Variants in PADI4 observed in about 807,000 individuals in gnomAD.
The protein encoded by PADI4 is protein-arginine deiminase type-4.
PADI4 carries 62 observed loss-of-function variants against 75.0 expected under a neutral mutation model. The observed-to-expected ratio is 0.83, with a 90% CI of 0.67 to 1.02. The LOEUF (loss-of-function observed/expected upper bound fraction) is 1.02, where lower values mean the gene tolerates loss of function less well. PADI4 is among the 50% of genes least tolerant of loss of function. PADI4 has a pLI of 0.00. For synonymous variants in PADI4, 361 were observed against 348.1 expected (o/e 1.04, Z -0.41); for missense variants, 845 against 850.5 (o/e 0.99, Z 0.08).
At chr1:17,352,090 G>T (rs1298296013) in intron 10 of PADI4, among the ~76,000 whole-genome samples, 1 of 135,444 alleles carries the variant, frequency 7.4e-6, no homozygotes, top group Non-Finnish European at 1.6e-5. Flanking sequence ...AGTCAGGGAG[G>T]TGATGGGAGG....
chr1:17,344,611 C>G (rs1557567927), intron 8 of PADI4, among the ~76,000 whole-genome samples: 1 of 152,206 alleles, frequency 6.6e-6, no homozygotes, highest in Admixed American at 6.5e-5. Flanking sequence ...TGCCCTGCAT[C>G]CCAGCTGCTC....
At chr1:17,332,395 C>T (rs528181285) in intron 2 of PADI4, among the ~76,000 whole-genome samples, 61 of 152,190 alleles carry the variant, frequency 4.0e-4, no homozygotes, top group Admixed American at 1.4e-3. Context: ...TACAGGCACT[C>T]GCCACCATGC....
intron 6 of PADI4, among the ~76,000 whole-genome samples, chr1:17,341,454 T>C (rs1350719027): frequency 2.0e-5 from 3 of 152,178 alleles, no homozygotes; most frequent in African/African-American, 7.2e-5. Context: ...GTCAACTTAT[T>C]GCCTCCACCC....
Position 17,331,112 on chromosome 1 carries a change from C to G in PADI4, c.236C>G (p.Thr79Arg), listed in dbSNP as rs35809521. 481 of 1,611,980 alleles carry G rather than the reference C, an allele frequency of 3.0e-4. 5 individuals carry two copies. In the East Asian group the frequency reaches 0.01, roughly 34 times the overall value. ...GACCCTGGGGTAGAGGTGACCCTGA[C>G]GATGAAAGTGGCCAGTGGTAGCACA... Reference protein sequence around the residue: ...PLDPGVEVTLTMKVASGSTGD... With the variant: ...PLDPGVEVTLRMKVASGSTGD... Residue 79 changes from threonine to arginine, a missense_variant, in exon 2 of 16, where the codon ACG (threonine) becomes AGG (arginine). Thr to Arg is a moderately conservative substitution (Grantham distance 71). Coordinates refer to ENST00000375448, the MANE Select transcript of PADI4 (RefSeq NM_012387.3).
intron 1 of PADI4, among the ~76,000 whole-genome samples, chr1:17,311,760 C>A (rs1216582562): frequency 3.3e-5 from 5 of 151,946 alleles, no homozygotes; most frequent in African/African-American, 1.2e-4. Flanking sequence ...CTCCTGACCT[C>A]GTGATCCACC....
intron 13 of PADI4, among the ~76,000 whole-genome samples, chr1:17,358,018 C>T (rs908266333): frequency 1.3e-5 from 2 of 151,436 alleles, no homozygotes; most frequent in Non-Finnish European, 2.9e-5. Context: ...GAGGCTGAGG[C>T]GGGTGGATCA....
At chr1:17,345,281 A>T (rs1423894378) in intron 8 of PADI4, among the ~76,000 whole-genome samples, 1 of 152,192 alleles carries the variant, frequency 6.6e-6, no homozygotes, top group African/African-American at 2.4e-5. Flanking sequence ...TGTATCTAGG[A>T]AGTAACTAGC....
Position 17,359,419 on chromosome 1 carries a change from G to T in PADI4, c.1758+11G>T. On this transcript the variant is annotated intron_variant, in intron 15 of 15. Coordinates refer to ENST00000375448, the MANE Select transcript of PADI4 (RefSeq NM_012387.3). ...TTTTTCCCCAACATGGTGAGGAGGT[G>T]GCGGCTTTAAAACCCCAGGGTGTGG... 1.2e-6 allele frequency: 2 copies of T among 1,613,984 alleles called. No homozygotes were observed. Among genetic ancestry groups the T allele is most frequent in the Non-Finnish European group, 1.7e-6 (2 of 1,179,942 alleles).
rs1459209363 is a variant in PADI4 at position 17,356,469 on chromosome 1, C to T, written c.1558+10C>T. Reference sequence around the variant, plus strand: ...TTCGAAGGGATCAAGAGTAAGTCGGCCCTGCCTTGTTCTCCTGTCTGTGCA... The same window carrying T: ...TTCGAAGGGATCAAGAGTAAGTCGGTCCTGCCTTGTTCTCCTGTCTGTGCA... On this transcript the variant is annotated intron_variant, in intron 13 of 15. Coordinates refer to ENST00000375448, the MANE Select transcript of PADI4 (RefSeq NM_012387.3). This position sits in a 1 kb window ranked among gnomAD's most constrained non-coding sequence, Gnocchi z 4.1. The T allele has an allele frequency of 1.3e-6, 2 of 1,531,538 alleles. No individual in the cohort carries two copies. Among genetic ancestry groups the T allele is most frequent in the Admixed American group, 3.4e-5 (2 of 58,664 alleles). 94.9% of individuals were successfully genotyped at this position (1,531,538 alleles called of 1,614,324 possible).
intron 10 of PADI4, among the ~76,000 whole-genome samples, chr1:17,352,726 G>T (rs994638495): frequency 1.3e-5 from 2 of 152,130 alleles, no homozygotes; most frequent in Non-Finnish European, 2.9e-5. Context: ...GAGAATGAGG[G>T]GGTGGGAAGA....
intron 15 of PADI4, among the ~76,000 whole-genome samples, chr1:17,362,269 C>T (rs1167023580): frequency 6.7e-6 from 1 of 148,234 alleles, no homozygotes; most frequent in East Asian, 2.0e-4. Context: ...AGGATGATTG[C>T]TTGAGCCCAG....
intron 10 of PADI4, among the ~76,000 whole-genome samples, chr1:17,349,179 A>G (rs1354542186): frequency 6.6e-6 from 1 of 152,202 alleles, no homozygotes; most frequent in Non-Finnish European, 1.5e-5. Flanking sequence ...GCCAGCTGCT[A>G]CCGTGACTTT....
At chr1:17,329,778 C>T (rs1400605903) in intron 1 of PADI4, among the ~76,000 whole-genome samples, 1 of 152,140 alleles carries the variant, frequency 6.6e-6, no homozygotes, top group Non-Finnish European at 1.5e-5. Flanking sequence ...TGCTTCCAAT[C>T]GAATTGTTAT....
At chr1:17,337,260 C>G (rs2074330479) in intron 4 of PADI4, among the ~76,000 whole-genome samples, 2 of 152,192 alleles carry the variant, frequency 1.3e-5, no homozygotes. Context: ...ATTCTCCTAC[C>G]TCAGCCTCCT....
intron 10 of PADI4, among the ~76,000 whole-genome samples, chr1:17,351,976 T>G (rs140749946): frequency 1.0e-4 from 6 of 58,890 alleles, no homozygotes; most frequent in South Asian, 6.0e-4. Context: ...GCCAGGGAGG[T>G]GATGGGAGGA....
At chr1:17,351,652 AT>A (rs777128711) in intron 10 of PADI4, among the ~76,000 whole-genome samples, 2 of 149,250 alleles carry the variant, frequency 1.3e-5, no homozygotes, top group African/African-American at 4.9e-5. Context: ...CTTAAATAGG[AT>A]GGTCAGGGTG....
At chr1:17,314,917 G>A (rs1375630211) in intron 1 of PADI4, among the ~76,000 whole-genome samples, 3 of 152,218 alleles carry the variant, frequency 2.0e-5, no homozygotes, top group Non-Finnish European at 4.4e-5. Context: ...GTGGTATGTG[G>A]TGTGTTGGGA....
At chr1:17,352,111 G>GGC (rs1557577163) in intron 10 of PADI4, among the ~76,000 whole-genome samples, 2 of 130,792 alleles carry the variant, frequency 1.5e-5, no homozygotes, top group African/African-American at 6.4e-5. Context: ...TGGTAGGAGA[G>GGC]ACTGTGGTCA....
chr1:17,324,162 T>G (rs1369900247), intron 1 of PADI4, among the ~76,000 whole-genome samples: 1 of 151,612 alleles, frequency 6.6e-6, no homozygotes, highest in African/African-American at 2.4e-5. Flanking sequence ...TTTGTTTTTT[T>G]TTTTTTGCAA....
Sources: gnomAD v4.1 joint callset for allele counts (sites outside exome capture counted in the v4.1 genomes callset) on GRCh38, gnomAD v4.1.1 for gene constraint, Gnocchi (gnomAD v3.1) non-coding constraint, MANE v1.5 for transcripts, NCBI Gene and HGNC (gene_info 2026-07-23, HGNC 2026-07-21) for gene names.